The following SUSD5 variants were observed in gnomAD, a reference collection of about 807,000 sequenced individuals.
SUSD5 encodes the protein sushi domain containing 5.
A neutral mutation model predicts 29.5 loss-of-function variants in SUSD5; 33 were observed. That is an observed-to-expected ratio of 1.12 (90% CI 0.85 to 1.49). The LOEUF is 1.49. SUSD5 is among the 40% of genes most tolerant of loss of function. SUSD5 has a pLI of 0.00. For missense variants in SUSD5, 776 were observed against 800.6 expected (o/e 0.97, Z 0.37); for synonymous variants, 308 against 325.3 (o/e 0.95, Z 0.57).
chr3:33,205,097 C>T (rs1395883309), intron 3 of SUSD5, among the ~76,000 whole-genome samples: 2 of 152,044 alleles, frequency 1.3e-5, no homozygotes, highest in Non-Finnish European at 2.9e-5. Flanking sequence ...TATGACGTCC[C>T]TTTGTCCCTA....
chr3:33,175,484 C>A (rs1435665144), intron 3 of SUSD5, among the ~76,000 whole-genome samples: 1 of 151,928 alleles, frequency 6.6e-6, no homozygotes, highest in Non-Finnish European at 1.5e-5. Flanking sequence ...TCTTTCCCCC[C>A]TTCCCCGCCC....
chr3:33,193,956 G>T (rs1434333262), intron 3 of SUSD5, among the ~76,000 whole-genome samples: 3 of 152,162 alleles, frequency 2.0e-5, no homozygotes, highest in Non-Finnish European at 2.9e-5. Context: ...AGAAATTATG[G>T]CCCAGAAGAC....
chr3:33,197,977 C>A (rs889606276), intron 3 of SUSD5, among the ~76,000 whole-genome samples: 1 of 151,856 alleles, frequency 6.6e-6, no homozygotes, highest in African/African-American at 2.4e-5. Context: ...GGATCAATAC[C>A]CAGGCATGGA....
chr3:33,178,019 G>A (rs2031588008), intron 3 of SUSD5, among the ~76,000 whole-genome samples: 1 of 152,142 alleles, frequency 6.6e-6, no homozygotes, highest in Non-Finnish European at 1.5e-5. Flanking sequence ...AAAAGCAGTG[G>A]TGAAAAGAGA....
At chr3:33,218,017 C>T (rs1221364140) in intron 1 of SUSD5, among the ~76,000 whole-genome samples, 1 of 152,206 alleles carries the variant, frequency 6.6e-6, no homozygotes, top group Non-Finnish European at 1.5e-5. Flanking sequence ...GGCTGAAAAA[C>T]CAAGCAAACG....
chr3:33,189,451 C>T (rs895214581), intron 3 of SUSD5, among the ~76,000 whole-genome samples: 14 of 124,928 alleles, frequency 1.1e-4, no homozygotes, highest in South Asian at 5.5e-4. Context: ...CACTCCAGCC[C>T]GGTGGGTGGA....
At position 33,152,748 on chromosome 3, in the gene SUSD5, C is replaced by T; in HGVS notation, c.1884G>A (p.Lys628=). Reference sequence around the variant, plus strand: ...GAACCCACTCCAAAGGTGCCTAGACCTTCTCCATCTCGATCTGCTGGTGGT... The same window carrying T: ...GAACCCACTCCAAAGGTGCCTAGACTTTCTCCATCTCGATCTGCTGGTGGT... ...RHYHQQIEME[K]V is the part of the protein sequence containing the mutation. Residue 628 remains lysine, a synonymous_variant, in exon 5 of 5, where the codon AAG becomes AAA. Coordinates refer to ENST00000309558, the MANE Select transcript of SUSD5 (RefSeq NM_015551.2). 1.2e-6 allele frequency: 2 copies of T among 1,606,920 alleles called. No homozygotes were observed. The highest frequency in any genetic ancestry group is 1.7e-4 in the Middle Eastern group (1 of 5,958).
intron 4 of SUSD5, among the ~76,000 whole-genome samples, chr3:33,165,131 A>G (rs1049013630): frequency 1.4e-4 from 22 of 152,322 alleles, no homozygotes; most frequent in African/African-American, 5.3e-4. Flanking sequence ...TAATAGCCCC[A>G]AACATGAAAC....
At chr3:33,184,699 G>A (rs925086350) in intron 3 of SUSD5, among the ~76,000 whole-genome samples, 1 of 152,100 alleles carries the variant, frequency 6.6e-6, no homozygotes, top group Non-Finnish European at 1.5e-5. Flanking sequence ...GCTGTGTCCA[G>A]TCTACTGATG....
chr3:33,176,028 G>A (rs2031545580), intron 3 of SUSD5, among the ~76,000 whole-genome samples: 1 of 152,134 alleles, frequency 6.6e-6, no homozygotes, highest in South Asian at 2.1e-4. Context: ...CCTAAAGATT[G>A]CAACAGCTGA....
At chr3:33,184,694 G>A (rs569734876) in intron 3 of SUSD5, among the ~76,000 whole-genome samples, 2 of 152,184 alleles carry the variant, frequency 1.3e-5, no homozygotes, top group South Asian at 4.1e-4. Flanking sequence ...CCTCAGCTGT[G>A]TCCAGTCTAC....
At position 33,180,536 on chromosome 3, in the gene SUSD5, A is replaced by T. The variant is rs180925198; in HGVS notation, c.410-5462T>A. Among the ~76,000 whole-genome samples the T allele has an allele frequency of 1.2e-4, 18 of 152,082 alleles. No individual in the cohort carries two copies. The East Asian group carries it at 1.9e-3, about 16-fold the overall frequency. ...CATCTGTGCCCAGCTAATTAAAAAA[A>T]TTTTTTTTGGCCAGGTGCAGTGGCT... On this transcript the variant is annotated intron_variant, in intron 3 of 4. Transcript: ENST00000309558.
In SUSD5 at chr3:33,151,416, A is replaced by G. The variant is rs1015191985; in HGVS notation, c.*1326T>C. The G allele has an allele frequency of 6.6e-6, 1 of 152,264 alleles. No individual in the cohort carries two copies. Among genetic ancestry groups the G allele is most frequent in the African/African-American group, 2.4e-5 (1 of 41,462 alleles). 9.4% of individuals were successfully genotyped at this position (152,264 alleles called of 1,614,324 possible). ...CAGACAGGATGGATTCTGTTTCCAC[A>G]GAGCTCCCAGTTTCCACACTAGAGA... On this transcript the variant is annotated 3_prime_UTR_variant, in exon 5 of 5. Transcript: ENST00000309558.
intron 4 of SUSD5, among the ~76,000 whole-genome samples, chr3:33,163,306 A>T (rs2031231872): frequency 6.6e-6 from 1 of 152,158 alleles, no homozygotes; most frequent in African/African-American, 2.4e-5. Context: ...GGCAAACTGA[A>T]TCCAGCAATA....
At chr3:33,199,544 A>G (rs966555478) in intron 3 of SUSD5, among the ~76,000 whole-genome samples, 1 of 152,362 alleles carries the variant, frequency 6.6e-6, no homozygotes, top group Middle Eastern at 3.4e-3. Context: ...AAGTGCTGGG[A>G]TTACAGGCGT....
chr3:33,187,804 T>TC, intron 3 of SUSD5, among the ~76,000 whole-genome samples: 1 of 91,810 alleles, frequency 1.1e-5, no homozygotes, highest in Admixed American at 1.2e-4. Flanking sequence ...CCTTCCCCCC[T>TC]CCCCCCACCC....
intron 4 of SUSD5, among the ~76,000 whole-genome samples, chr3:33,172,208 C>T (rs922943313): frequency 2.8e-4 from 43 of 152,026 alleles, no homozygotes; most frequent in African/African-American, 1.0e-3. Flanking sequence ...CACACACACA[C>T]ACACACACAC....
chr3:33,179,270 T>G (rs2031620886), intron 3 of SUSD5, among the ~76,000 whole-genome samples: 1 of 152,216 alleles, frequency 6.6e-6, no homozygotes, highest in Admixed American at 6.5e-5. Flanking sequence ...CCTCTTTTTT[T>G]TAAAAGCATA....
At chr3:33,186,573 C>T (rs1404501080) in intron 3 of SUSD5, among the ~76,000 whole-genome samples, 2 of 151,664 alleles carry the variant, frequency 1.3e-5, no homozygotes, top group Non-Finnish European at 2.9e-5. Flanking sequence ...ACTACAGGCG[C>T]GTGCCACCAT....
Sources: allele counts gnomAD v4.1 joint callset (sites outside exome capture counted in the v4.1 genomes callset), GRCh38; gene constraint gnomAD v4.1.1; transcripts MANE v1.5; gene names NCBI Gene and HGNC (gene_info 2026-07-23, HGNC 2026-07-21).